Variants in DAB1 observed in about 807,000 individuals in gnomAD.
The protein encoded by DAB1 is DAB adaptor protein 1, also known as disabled homolog 1.
Under a neutral mutation model 64.6 loss-of-function variants are expected in DAB1, and 15 were observed. The ratio of observed to expected loss-of-function variants is 0.23; its 90% CI spans 0.16 to 0.36. The LOEUF (loss-of-function observed/expected upper bound fraction) is 0.36, where lower values mean the gene tolerates loss of function less well. Among genes scored for constraint, DAB1 ranks in the 10% least tolerant of loss-of-function variants. DAB1 has a pLI of 1.00. For missense variants in DAB1, 596 were observed against 706.7 expected (o/e 0.84, Z 1.78); for synonymous variants, 235 against 251.9 (o/e 0.93, Z 0.64).
At chr1:58,074,564 G>GTGTGTATATATATATATATA (rs1332531604) in intron 5 of DAB1, 30 of 91,618 alleles carry the variant, frequency 3.3e-4, no homozygotes, top group African/African-American at 1.3e-3. Context: ...ATATATGTGT[G>GTGTGTATATATATATATATA]TATATATATA....
intron 5 of DAB1, among the ~76,000 whole-genome samples, chr1:57,907,042 TG>T (rs1457500462): frequency 6.6e-6 from 1 of 152,220 alleles, no homozygotes; most frequent in Non-Finnish European, 1.5e-5. Context: ...TTCAGGGAAC[TG>T]AATGTAAAAA....
At chr1:57,690,321 C>T (rs936685769) in intron 6 of DAB1, among the ~76,000 whole-genome samples, 6 of 152,082 alleles carry the variant, frequency 3.9e-5, no homozygotes, top group African/African-American at 1.4e-4. Flanking sequence ...TTGTAATCCC[C>T]TATGTCAGAG....
At chr1:57,403,261 A>G (rs901363212) in intron 1 of DAB1, among the ~76,000 whole-genome samples, 1 of 152,156 alleles carries the variant, frequency 6.6e-6, no homozygotes, top group Non-Finnish European at 1.5e-5. Flanking sequence ...AAAAAGCCCT[A>G]TCTCCTGCTA....
At chr1:57,988,738 G>T (rs1646281249) in intron 5 of DAB1, among the ~76,000 whole-genome samples, 1 of 152,118 alleles carries the variant, frequency 6.6e-6, no homozygotes, top group Non-Finnish European at 1.5e-5. Context: ...GAGGGGTGGG[G>T]ACTTCAGATA....
rs991085465 is a variant in DAB1 at position 57,868,553 on chromosome 1, T to G, written n.87+15446A>C. 7.2e-5 allele frequency among the ~76,000 whole-genome samples: 11 copies of G among 152,260 alleles called. No individual in the cohort carries two copies. The South Asian group carries it at 1.7e-3, about 23-fold the overall frequency. On this transcript the variant is annotated intron_variant and non_coding_transcript_variant, in intron 1 of 1. Transcript: ENST00000477280. ...CAATTATGTGGTGTGGAGAGCTGTC[T>G]TGTGTATTTTAGGATATTTTACAGC...
chr1:57,523,578 A>T (rs1456312949), intron 7 of DAB1, among the ~76,000 whole-genome samples: 2 of 152,210 alleles, frequency 1.3e-5, no homozygotes, highest in African/African-American at 2.4e-5. Context: ...GCATAATTTT[A>T]AAAGGACCAT....
intron 3 of DAB1, among the ~76,000 whole-genome samples, chr1:58,490,795 CTTTTTTTTTTTTTT>C (rs148145860): frequency 0.027 from 1,629 of 59,400 alleles, 54 homozygotes; most frequent in African/African-American, 0.097. Context: ...AGTCAACATT[CTTTTTTTTTTTTTT>C]TTTTTTTTTT....
At chr1:58,542,628 T>C (rs925840865) in intron 1 of DAB1, 3 of 152,190 alleles carry the variant, frequency 2.0e-5, no homozygotes, top group Admixed American at 1.3e-4. Context: ...AAGGTTTAAA[T>C]GTAAAGTCTT....
intron 5 of DAB1, among the ~76,000 whole-genome samples, chr1:57,922,786 CAGTG>C (rs1347876635): frequency 1.5e-5 from 2 of 129,532 alleles, no homozygotes; most frequent in Admixed American, 2.1e-4. Flanking sequence ...GCAGAGCTTG[CAGTG>C]AGCCGAGATC....
rs112630726 is a variant in DAB1 at position 57,395,978 on chromosome 1, A to G, written c.-137+27952T>C. On this transcript the variant is annotated intron_variant, in intron 1 of 14. Transcript: ENST00000371236. ...AAAGAAGTAAAAGCAAATGTGGGTA[A>G]GACTGAACATAATCTACAGCAGCAT... Among the ~76,000 whole-genome samples the G allele has an allele frequency of 1.2e-3, 188 of 152,354 alleles. 2 individuals carry two copies. Among genetic ancestry groups the G allele is most frequent in the African/African-American group, 4.2e-3 (175 of 41,580 alleles).
chr1:57,587,452 G>A (rs945995278), intron 7 of DAB1, among the ~76,000 whole-genome samples: 4 of 152,260 alleles, frequency 2.6e-5, no homozygotes, highest in African/African-American at 9.6e-5. Flanking sequence ...CCTATCAGGA[G>A]ACTCTATCCC....
intron 4 of DAB1, among the ~76,000 whole-genome samples, chr1:58,200,294 A>G (rs991189944): frequency 2.0e-5 from 3 of 152,156 alleles, no homozygotes; most frequent in African/African-American, 7.2e-5. Context: ...GCCCAAGGTC[A>G]CCCAGATAAA....
At chr1:57,846,765 T>G (rs1653306383) in intron 1 of DAB1, among the ~76,000 whole-genome samples, 1 of 152,220 alleles carries the variant, frequency 6.6e-6, no homozygotes, top group Non-Finnish European at 1.5e-5. Flanking sequence ...TGCATAATTC[T>G]ATCTATGGAA....
At chr1:57,887,620 A>G (rs1644243615), upstream of DAB1, among the ~76,000 whole-genome samples, 1 of 152,212 alleles carries the variant, frequency 6.6e-6, no homozygotes, top group African/African-American at 2.4e-5. Flanking sequence ...AGTGATAGAC[A>G]TTGCAAAATG....
chr1:58,161,677 G>A (rs1482760332), intron 4 of DAB1, among the ~76,000 whole-genome samples: 1 of 152,066 alleles, frequency 6.6e-6, no homozygotes. Context: ...AATCATACAA[G>A]TAAATACTGT....
In DAB1 at chr1:57,775,551, GA is replaced by G. The variant is rs57659796; in HGVS notation, n.551+108447del. Among the ~76,000 whole-genome samples the G allele has an allele frequency of 7.0e-3, 1,049 of 150,042 alleles. 10 individuals carry two copies. The highest frequency in any genetic ancestry group is 0.022 in the African/African-American group (917 of 41,070). ...TTTTAGTTGGTATTTTCTAGATATT[GA>G]AAAAAAAATTGATTTTTAATCTAAT... On this transcript the variant is annotated intron_variant and non_coding_transcript_variant, in intron 6 of 20. Transcript: ENST00000485760.
rs755994050 is a variant in DAB1, at chr1:57,062,894, T to C, written c.713A>G (p.Gln238Arg). The C allele has an allele frequency of 6.2e-7, 1 of 1,613,960 alleles. No individual in the cohort carries two copies. The highest frequency in any genetic ancestry group is 8.5e-7 in the Non-Finnish European group (1 of 1,179,932). The change falls in exon 9 of 15, where the codon CAA becomes CGA. Residue 238 changes from glutamine (Q) to arginine (R), a missense_variant. Physicochemically the swap from Gln to Arg is conservative, Grantham distance 43. Transcript: ENST00000371236. Reference protein sequence around the residue: ...KEGVYDVPKSQPVSAVTQLEL... With the variant: ...KEGVYDVPKSRPVSAVTQLEL... ...AGGAGATGTACTTACACTTACAGGT[T>C]GACTTTTTGGCACATCATAAACACC... is the stretch of plus-strand genomic sequence containing the variant.
At position 56,997,640 on chromosome 1, in the gene DAB1, G is replaced by A. The variant is rs1320277842; in HGVS notation, c.*504C>T. 1 of 152,166 alleles carries A rather than the reference G, an allele frequency of 6.6e-6. No individual in the cohort carries two copies. The highest frequency in any genetic ancestry group is 1.5e-5 in the Non-Finnish European group (1 of 68,028). The allele number at this position is 152,166 out of a possible 1,614,324, so 9.4% of individuals were successfully genotyped here. A position where few individuals can be genotyped will look rare whatever the true frequency, so the allele number is the denominator to read the frequency against. On this transcript the variant is annotated 3_prime_UTR_variant, in exon 15 of 15. Transcript: ENST00000371236. ...AAAAACACATCATCCTATGTGAAAA[G>A]GCATATGGATGACGATATTGTGGTC...
intron 7 of DAB1, among the ~76,000 whole-genome samples, chr1:57,499,670 A>C (rs1284767316): frequency 6.6e-6 from 1 of 152,202 alleles, no homozygotes; most frequent in African/African-American, 2.4e-5. Context: ...TACTGAAATG[A>C]AGGCCTTGCA....
Sources: gnomAD v4.1 joint callset for allele counts (sites outside exome capture counted in the v4.1 genomes callset) on GRCh38, gnomAD v4.1.1 for gene constraint, MANE v1.5 for transcripts, NCBI Gene and HGNC (gene_info 2026-07-23, HGNC 2026-07-21) for gene names.